Variants in EDN1 observed in about 807,000 individuals in gnomAD.
EDN1 encodes the protein endothelin 1.
EDN1 carries 11 observed loss-of-function variants against 21.7 expected under a neutral mutation model. The ratio of observed to expected loss-of-function variants is 0.51; its 90% CI spans 0.32 to 0.84. The LOEUF is 0.84. EDN1 is among the 40% of genes least tolerant of loss of function. EDN1 has a pLI of 0.03. For synonymous variants in EDN1, 85 were observed against 90.6 expected, an observed-to-expected ratio of 0.94 and a Z score of 0.35; for missense variants, 244 against 262.3, an observed-to-expected ratio of 0.93 and a Z score of 0.48.
intron 1 of EDN1, among the ~76,000 whole-genome samples, chr6:12,291,268 T>A (rs1365870422): frequency 1.5e-5 from 2 of 130,932 alleles, no homozygotes; most frequent in East Asian, 5.4e-4. Flanking sequence ...GTGAAGCAGA[T>A]GTTTTCTTTA....
the EDN1 span, among the ~76,000 whole-genome samples, chr6:12,274,391 C>T: frequency 6.6e-6 from 1 of 152,114 alleles, no homozygotes; most frequent in Non-Finnish European, 1.5e-5. Context: ...CCTGTGATGC[C>T]ATCAAAACAT....
At chr6:12,278,165 G>A in the EDN1 span, among the ~76,000 whole-genome samples, 3 of 152,110 alleles carry the variant, frequency 2.0e-5, no homozygotes, top group Non-Finnish European at 2.9e-5. Flanking sequence ...AAGTATCTAG[G>A]AAGAGAAGCA....
At chr6:12,265,185 G>T in the EDN1 span, among the ~76,000 whole-genome samples, 3 of 152,204 alleles carry the variant, frequency 2.0e-5, no homozygotes, top group East Asian at 5.8e-4. Flanking sequence ...AGCTTTGACA[G>T]GTTGTAGACA....
chr6:12,282,771 G>A, the EDN1 span, among the ~76,000 whole-genome samples: 2 of 152,094 alleles, frequency 1.3e-5, no homozygotes, highest in Admixed American at 6.5e-5. Context: ...ACATAATAAA[G>A]TCATAATTTG....
chr6:12,290,608 T>G lies in EDN1; in HGVS notation c.-22T>G. The G allele has an allele frequency of 6.2e-7, 1 of 1,612,368 alleles. No homozygotes were observed. Among genetic ancestry groups the G allele is most frequent in the Non-Finnish European group, 8.5e-7 (1 of 1,178,480 alleles). On this transcript the variant is annotated 5_prime_UTR_variant, in exon 1 of 5. Coordinates refer to ENST00000379375, the MANE Select transcript of EDN1 (RefSeq NM_001955.5). ...CTTTGGGTTCAGTTTGAACGGGAGG[T>G]TTTTGATCCCTTTTTTTCAGAATGG... is the stretch of plus-strand genomic sequence containing the variant.
At chr6:12,265,846 A>G in the EDN1 span, among the ~76,000 whole-genome samples, 1 of 152,220 alleles carries the variant, frequency 6.6e-6, no homozygotes, top group Non-Finnish European at 1.5e-5. Context: ...GAAATGCAGA[A>G]CATACATGAA....
rs202087445 is a variant in EDN1, at chr6:12,292,365, C to A, written c.89C>A (p.Ala30Glu). 185 of 1,614,042 alleles carry A rather than the reference C, an allele frequency of 1.1e-4. No individual in the cohort carries two copies. The highest frequency in any genetic ancestry group is 1.9e-5 in the Non-Finnish European group (23 of 1,180,054). Reference sequence around the variant, plus strand: ...GCAGTCTTAGGCGCTGAGCTCAGCGCGGTGGGTGAGAACGGCGGGGAGAAA... The same window carrying A: ...GCAGTCTTAGGCGCTGAGCTCAGCGAGGTGGGTGAGAACGGCGGGGAGAAA... ...ETAVLGAELS[A>E]VGENGGEKPT... The change falls in exon 2 of 5, where the codon GCG becomes GAG. Residue 30 changes from alanine to glutamate, a missense_variant. Ala to Glu is a moderately radical substitution (Grantham distance 107). Transcript: ENST00000379375.
chr6:12,231,888 A>C, the EDN1 span, among the ~76,000 whole-genome samples: 1 of 152,016 alleles, frequency 6.6e-6, no homozygotes, highest in South Asian at 2.1e-4. Context: ...TAAGGGAGGT[A>C]AACTTTATTG....
the EDN1 span, among the ~76,000 whole-genome samples, chr6:12,285,115 TATA>T: frequency 9.2e-5 from 14 of 152,292 alleles, no homozygotes; most frequent in African/African-American, 2.4e-4. Context: ...AATATCCTAA[TATA>T]ATTATTAATC....
chr6:12,249,170 T>A, the EDN1 span, among the ~76,000 whole-genome samples: 1 of 152,204 alleles, frequency 6.6e-6, no homozygotes, highest in Non-Finnish European at 1.5e-5. Flanking sequence ...TCAGCTCATA[T>A]CAATGCTGCT....
the EDN1 span, among the ~76,000 whole-genome samples, chr6:12,274,718 T>C: frequency 6.6e-6 from 1 of 152,202 alleles, no homozygotes; most frequent in African/African-American, 2.4e-5. Flanking sequence ...TTGTCAGAGC[T>C]AGTCAGACGT....
At position 12,294,021 on chromosome 6, in the gene EDN1, G is replaced by T. The variant is rs140854546; in HGVS notation, c.314G>T (p.Arg105Leu). The T allele has an allele frequency of 1.9e-6, 3 of 1,614,206 alleles. No individual in the cohort carries two copies. Among genetic ancestry groups the T allele is most frequent in the African/African-American group, 2.7e-5 (2 of 75,064 alleles). The change falls in exon 3 of 5, where the codon CGT (arginine) becomes CTT (leucine). Residue 105 changes from arginine (R) to leucine (L), a missense_variant. Physicochemically the swap from Arg to Leu is moderately radical, Grantham distance 102. Transcript: ENST00000379375. The part of the protein sequence containing the change: ...ENLLPTKATD[R>L]ENRCQCASQK... The stretch of plus-strand genomic sequence containing the variant: ...TTACTTCCCACAAAGGCAACAGACC[G>T]TGAAAATAGATGCCAATGTGCTAGC...
At chr6:12,235,360 A>G in the EDN1 span, among the ~76,000 whole-genome samples, 1 of 152,202 alleles carries the variant, frequency 6.6e-6, no homozygotes, top group Non-Finnish European at 1.5e-5. Context: ...CCACATAGCA[A>G]TGTTTACTAA....
the EDN1 span, among the ~76,000 whole-genome samples, chr6:12,265,834 G>C: frequency 2.6e-5 from 4 of 152,132 alleles, no homozygotes; most frequent in Admixed American, 2.0e-4. Flanking sequence ...AATAAATTTG[G>C]AGAAATGCAG....
At chr6:12,273,713 C>T in the EDN1 span, among the ~76,000 whole-genome samples, 1 of 145,898 alleles carries the variant, frequency 6.9e-6, no homozygotes, top group African/African-American at 2.5e-5. Flanking sequence ...CACCCCAATT[C>T]ATCTGACCAT....
the EDN1 span, among the ~76,000 whole-genome samples, chr6:12,278,944 C>A: frequency 6.6e-6 from 1 of 152,040 alleles, no homozygotes; most frequent in Non-Finnish European, 1.5e-5. Context: ...ATACTTGAGT[C>A]CTTTATGAAG....
the EDN1 span, among the ~76,000 whole-genome samples, chr6:12,272,582 G>A: frequency 2.0e-5 from 3 of 151,256 alleles, no homozygotes; most frequent in South Asian, 2.1e-4. Flanking sequence ...CTCAGCCTCC[G>A]GAGTAGCTGG....
the EDN1 span, among the ~76,000 whole-genome samples, chr6:12,272,993 T>C: frequency 6.6e-6 from 1 of 152,170 alleles, no homozygotes; most frequent in African/African-American, 2.4e-5. Context: ...CTAATGGGGA[T>C]CTAGGCAGGA....
At chr6:12,266,504 T>C in the EDN1 span, among the ~76,000 whole-genome samples, 2 of 152,178 alleles carry the variant, frequency 1.3e-5, no homozygotes, top group East Asian at 3.9e-4. Flanking sequence ...ACAGTCCCTC[T>C]TCTCCAAAAT....
Sources: gnomAD v4.1 joint callset for allele counts (sites outside exome capture counted in the v4.1 genomes callset) on GRCh38, gnomAD v4.1.1 for gene constraint, MANE v1.5 for transcripts, NCBI Gene and HGNC (gene_info 2026-07-23, HGNC 2026-07-21) for gene names.